The following RFX2 variants were observed in gnomAD, a reference collection of about 807,000 sequenced individuals.
RFX2 encodes regulatory factor X2.
RFX2 carries 20 observed loss-of-function variants against 87.8 expected under a neutral mutation model. That is an observed-to-expected ratio of 0.23 (90% confidence interval 0.16 to 0.33). RFX2 has a LOEUF of 0.33. RFX2 is among the 10% of genes least tolerant of loss of function. The pLI, the probability that RFX2 is intolerant of heterozygous loss-of-function variation, is 1.00. For missense variants in RFX2, 767 were observed against 1,012.3 expected (o/e 0.76, Z 3.29); for synonymous variants, 397 against 431.3 (o/e 0.92, Z 0.98).
In RFX2 at chr19:6,026,383, C is replaced by T. The variant is rs2086889003; in HGVS notation, c.523-146G>A. ...TACAAAATAAAAATGAGGCTCCACG[C>T]AGGCAGGGCGGGGGTGAGTTAAATT... On this transcript the variant is annotated intron_variant, in intron 5 of 17. Transcript: ENST00000303657. The surrounding 1 kb of genome is among the most constrained non-coding windows in gnomAD (Gnocchi z 4.5). The T allele has an allele frequency of 8.6e-6, 6 of 701,752 alleles. No homozygotes were observed. The Admixed American group carries it at 1.6e-4, about 18-fold the overall frequency. The allele number at this position is 701,752 out of a possible 1,614,324, so 43.5% of individuals were successfully genotyped here. A position where few individuals can be genotyped will look rare whatever the true frequency, so the allele number is the denominator to read the frequency against.
intron 5 of RFX2, among the ~76,000 whole-genome samples, chr19:6,038,124 C>T (rs756979581): frequency 2.6e-5 from 4 of 151,928 alleles, no homozygotes; most frequent in Non-Finnish European, 5.9e-5. Context: ...GTCAGGCATT[C>T]GAGACCAGCC....
chr19:6,068,789 G>A (rs1295895692), intron 1 of RFX2, among the ~76,000 whole-genome samples: 1 of 152,174 alleles, frequency 6.6e-6, no homozygotes, highest in Non-Finnish European at 1.5e-5. Flanking sequence ...CACAAGGTTT[G>A]AGCCCAGGAA....
At chr19:6,089,857 G>T (rs2087908636) in intron 1 of RFX2, among the ~76,000 whole-genome samples, 1 of 152,210 alleles carries the variant, frequency 6.6e-6, no homozygotes. Context: ...TCATGATTCA[G>T]GGTCTTTGGG....
chr19:6,002,177 G>A lies in RFX2; in HGVS notation c.1651-154C>T, dbSNP rs562896965. Among the ~76,000 whole-genome samples the A allele has an allele frequency of 2.6e-5, 4 of 152,328 alleles. No individual in the cohort carries two copies. The highest frequency in any genetic ancestry group is 1.3e-4 in the Admixed American group (2 of 15,308). On this transcript the variant is annotated intron_variant, in intron 14 of 17. Coordinates refer to ENST00000303657, the MANE Select transcript of RFX2 (RefSeq NM_000635.4). The surrounding 1 kb of genome is among the most constrained non-coding windows in gnomAD (Gnocchi z 6.7). ...CTGCAAGCCAAGTCCTGTGTCTCCC[G>A]TCACAGGGGCAGAATAGAGAGCTGA...
In RFX2 at chr19:6,001,868, G is replaced by A. The variant is rs982526021; in HGVS notation, c.1806C>T (p.Ser602=). The change falls in exon 15 of 18, where the codon AGC becomes AGT. Residue 602 remains serine, a synonymous_variant. Coordinates refer to ENST00000303657, the MANE Select transcript of RFX2 (RefSeq NM_000635.4). This position sits in a 1 kb window ranked among gnomAD's most constrained non-coding sequence, Gnocchi z 5.6. ...GCCGGGCGGCCTTGGGGAAGCTGGG[G>A]CTGCCGGCATGCTGCTTCAGGACCT... ...VTQVLKQHAG[S]PSFPKAARQF... 6.2e-7 allele frequency: 1 copy of A among 1,613,190 alleles called. No individual in the cohort carries two copies.
At chr19:6,030,945 A>C (rs1224192103) in intron 5 of RFX2, among the ~76,000 whole-genome samples, 2 of 152,182 alleles carry the variant, frequency 1.3e-5, no homozygotes. Context: ...AGTGTCAAGA[A>C]ATCACATTCA....
chr19:6,000,277 G>A (rs150822335), intron 15 of RFX2, among the ~76,000 whole-genome samples: 1,888 of 152,302 alleles, frequency 0.012, 18 homozygotes, highest in South Asian at 0.028. Context: ...GAGCCACTGC[G>A]CCCGGCCAGG....
chr19:5,995,744 T>C, intron 16 of RFX2, 101 bp from the exon 17 acceptor site: 1 of 1,023,130 alleles, frequency 9.8e-7, no homozygotes. Flanking sequence ...AGCCACGTCC[T>C]CCATTCACAG....
At chr19:6,025,889 G>A (rs1034257773) in intron 6 of RFX2, among the ~76,000 whole-genome samples, 8 of 150,128 alleles carry the variant, frequency 5.3e-5, no homozygotes, top group African/African-American at 1.7e-4. Context: ...GGGTTCAAGC[G>A]ATTCTCCTGC....
At chr19:6,006,333 A>AT (rs1333561066) in intron 12 of RFX2, among the ~76,000 whole-genome samples, 4 of 150,898 alleles carry the variant, frequency 2.7e-5, no homozygotes, top group African/African-American at 4.9e-5. Context: ...TAATTTTTGT[A>AT]TTTTTTTTAG....
chr19:5,996,825 C>A (rs2144658707), intron 16 of RFX2, among the ~76,000 whole-genome samples: 1 of 152,356 alleles, frequency 6.6e-6, no homozygotes, highest in East Asian at 1.9e-4. Flanking sequence ...TTGGACAGAG[C>A]CCCAAATCCT....
intron 4 of RFX2, among the ~76,000 whole-genome samples, chr19:6,041,432 A>G (rs1185605657): frequency 6.6e-6 from 1 of 152,192 alleles, no homozygotes; most frequent in African/African-American, 2.4e-5. Flanking sequence ...TCCTACCCCA[A>G]GCATCACACA....
intron 5 of RFX2, among the ~76,000 whole-genome samples, chr19:6,034,847 A>G (rs138559959): frequency 6.6e-5 from 10 of 152,186 alleles, no homozygotes; most frequent in African/African-American, 2.2e-4. Context: ...GCCTGACTGG[A>G]GAGTTGTTCT....
rs550322205 is a variant in RFX2, at chr19:6,022,111, C to A, written c.597+4052G>T. On this transcript the variant is annotated intron_variant, in intron 6 of 17. Transcript: ENST00000303657. This position sits in a 1 kb window ranked among gnomAD's most constrained non-coding sequence, Gnocchi z 6.2. ...TGGCTGCCCCTGCCTCAGATGGGAC[C>A]GTGGGCGGGAGGCGCAGGGGTTGTG... Among the ~76,000 whole-genome samples the A allele has an allele frequency of 2.0e-5, 3 of 152,134 alleles. No homozygotes were observed. In the East Asian group the frequency reaches 5.8e-4, roughly 29 times the overall value.
chr19:6,041,913 C>T (rs1269257910), intron 4 of RFX2, 131 bp downstream of exon 4: 2 of 759,212 alleles, frequency 2.6e-6, no homozygotes, highest in Non-Finnish European at 4.7e-6. Context: ...TTCCTAATAG[C>T]ATTTTAACAG....
Position 6,096,571 on chromosome 19 carries a change from C to T in RFX2, c.-9+13822G>A, listed in dbSNP as rs867419130. On this transcript the variant is annotated intron_variant, in intron 1 of 17. Coordinates refer to ENST00000303657, the MANE Select transcript of RFX2 (RefSeq NM_000635.4). ...ATGCCATTCTCCTGCCTCAGCCTCCCGAGTAGCTGGGACTACAGGCGCCCA... is the reference window on the plus strand; with the variant it reads ...ATGCCATTCTCCTGCCTCAGCCTCCTGAGTAGCTGGGACTACAGGCGCCCA... Among the ~76,000 whole-genome samples the T allele has an allele frequency of 1.3e-4, 20 of 152,216 alleles. 1 individual carries two copies. The highest frequency in any genetic ancestry group is 1.9e-4 in the East Asian group (1 of 5,180).
chr19:6,079,200 G>C (rs1255122835), intron 1 of RFX2, among the ~76,000 whole-genome samples: 2 of 152,244 alleles, frequency 1.3e-5, no homozygotes, highest in South Asian at 2.1e-4. Context: ...TGTGCAGGGA[G>C]TATCACTGCG....
intron 1 of RFX2, among the ~76,000 whole-genome samples, chr19:6,053,117 A>C (rs908757636): frequency 6.6e-6 from 1 of 152,228 alleles, no homozygotes; most frequent in Non-Finnish European, 1.5e-5. Context: ...CAAACAATGG[A>C]GAAAATGAAC....
Position 6,013,217 on chromosome 19 carries a change from A to C in RFX2, c.780-112T>G. 1.7e-6 allele frequency: 2 copies of C among 1,156,244 alleles called. No individual in the cohort carries two copies. The highest frequency in any genetic ancestry group is 2.3e-6 in the Non-Finnish European group (2 of 852,442). The allele number at this position is 1,156,244 out of a possible 1,614,324, so 71.6% of individuals were successfully genotyped here. A position where few individuals can be genotyped will look rare whatever the true frequency, so the allele number is the denominator to read the frequency against. On this transcript the variant is annotated intron_variant, in intron 7 of 17. Coordinates refer to ENST00000303657, the MANE Select transcript of RFX2 (RefSeq NM_000635.4). This position sits in a 1 kb window ranked among gnomAD's most constrained non-coding sequence, Gnocchi z 4.1. ...TTTTTTTTTTTTGAGACAGAATCTC[A>C]TTCTGTCGCCCAGGCTGGAGTACAG...
Sources: gnomAD v4.1 joint callset for allele counts (sites outside exome capture counted in the v4.1 genomes callset) on GRCh38, gnomAD v4.1.1 for gene constraint, Gnocchi (gnomAD v3.1) non-coding constraint, MANE v1.5 for transcripts, NCBI Gene and HGNC (gene_info 2026-07-23, HGNC 2026-07-21) for gene names.